Variants in GRM1 observed in about 807,000 individuals in gnomAD.
The protein encoded by GRM1 is glutamate metabotropic receptor 1.
Under a neutral mutation model 90.9 loss-of-function variants are expected in GRM1, and 33 were observed. That is an observed-to-expected ratio of 0.36 (90% CI 0.28 to 0.49). The LOEUF is 0.49. Ranked by LOEUF, GRM1 falls within the 20% of genes least tolerant of loss-of-function variation. The pLI is 0.99. For synonymous variants in GRM1, 700 were observed against 613.2 expected (o/e 1.14, Z -2.09); for missense variants, 1,190 against 1,534.3 (o/e 0.78, Z 3.75).
intron 1 of GRM1, among the ~76,000 whole-genome samples, chr6:146,100,909 G>A (rs139708300): frequency 1.3e-5 from 2 of 152,240 alleles, no homozygotes; most frequent in African/African-American, 4.8e-5. Context: ...ACTAGCCTAG[G>A]CAACATAGTG....
intron 1 of GRM1, among the ~76,000 whole-genome samples, chr6:146,088,631 A>G (rs1441235945): frequency 1.3e-5 from 2 of 152,140 alleles, no homozygotes; most frequent in African/African-American, 4.8e-5. Context: ...GGATGCCAGT[A>G]GATGTCATTG....
chr6:146,429,171 A>G (rs538241702), intron 7 of GRM1, among the ~76,000 whole-genome samples: 1 of 152,314 alleles, frequency 6.6e-6, no homozygotes, highest in South Asian at 2.1e-4. Flanking sequence ...GCTTATGATG[A>G]AGGTAGAATT....
At chr6:146,427,992 A>G (rs977046804) in intron 7 of GRM1, among the ~76,000 whole-genome samples, 1 of 152,230 alleles carries the variant, frequency 6.6e-6, no homozygotes, top group African/African-American at 2.4e-5. Flanking sequence ...CTAAAAGGTG[A>G]GTGCCTAAAA....
At chr6:146,159,916 T>TAAAAAA (rs566531460) in intron 2 of GRM1, 8 of 66,304 alleles carry the variant, frequency 1.2e-4, no homozygotes, top group African/African-American at 1.7e-4. Context: ...ACCTTAACTA[T>TAAAAAA]AAAAAAAAAA....
chr6:146,420,104 G>A (rs183309219), intron 7 of GRM1, among the ~76,000 whole-genome samples: 1 of 152,330 alleles, frequency 6.6e-6, no homozygotes, highest in African/African-American at 2.4e-5. Context: ...AAGATTAAAA[G>A]ATAAGCTGAA....
intron 2 of GRM1, among the ~76,000 whole-genome samples, chr6:146,289,099 C>T (rs1782881486): frequency 6.6e-6 from 1 of 151,980 alleles, no homozygotes; most frequent in African/African-American, 2.4e-5. Flanking sequence ...TTGGAGTATC[C>T]TCCTTCTACA....
At chr6:146,325,020 T>A (rs1286018632) in intron 3 of GRM1, among the ~76,000 whole-genome samples, 1 of 152,222 alleles carries the variant, frequency 6.6e-6, no homozygotes, top group Non-Finnish European at 1.5e-5. Flanking sequence ...TTATAGGTAC[T>A]TTATATTAAG....
intron 1 of GRM1, among the ~76,000 whole-genome samples, chr6:146,100,447 G>A (rs1311515462): frequency 6.6e-6 from 1 of 152,034 alleles, no homozygotes; most frequent in East Asian, 1.9e-4. Context: ...TTCCACTCTG[G>A]TTTTTAATTG....
chr6:146,348,204 C>T (rs1002035082), intron 3 of GRM1, among the ~76,000 whole-genome samples: 22 of 152,196 alleles, frequency 1.4e-4, no homozygotes, highest in Non-Finnish European at 1.0e-4. Flanking sequence ...AGTGTTTTCA[C>T]CTTCCCACCA....
rs1179310285 is a variant in GRM1 at position 146,434,965 on chromosome 6, A to C, written c.*169A>C. The C allele has an allele frequency of 1.5e-6, 1 of 678,766 alleles. No individual in the cohort carries two copies. Among genetic ancestry groups the C allele is most frequent in the African/African-American group, 1.9e-5 (1 of 53,486 alleles). The allele number at this position is 678,766 out of a possible 1,614,324, so 42.0% of individuals were successfully genotyped here. On this transcript the variant is annotated 3_prime_UTR_variant, in exon 8 of 8. Coordinates refer to ENST00000282753, the MANE Select transcript of GRM1 (RefSeq NM_001278064.2). ...CTGCTGCTGCCTTAAGTAGGAAGAG[A>C]GGGAAGGACACCAAGCAAAAAATGT...
In GRM1 at chr6:146,409,553, TTTTTG is replaced by T. The variant is rs139595396; in HGVS notation, c.2660+9875_2660+9879del. 7.9e-5 allele frequency among the ~76,000 whole-genome samples: 12 copies of T among 152,126 alleles called. No homozygotes were observed. The South Asian group carries it at 1.2e-3, about 16-fold the overall frequency. The stretch of plus-strand genomic sequence containing the variant: ...AAGAAAAGACGAACATTAAGTTTTG[TTTTTG>T]TTTTGTTTTGTTTTGTTTTGCTTTG... On this transcript the variant is annotated intron_variant, in intron 7 of 7. Transcript: ENST00000282753.
chr6:146,374,134 C>T (rs919650636), intron 5 of GRM1, among the ~76,000 whole-genome samples: 2 of 136,458 alleles, frequency 1.5e-5, no homozygotes, highest in Non-Finnish European at 3.1e-5. Context: ...GGTTTTTATC[C>T]TTTATTCTGT....
At chr6:146,172,870 A>C (rs1411726798) in intron 2 of GRM1, among the ~76,000 whole-genome samples, 1 of 152,186 alleles carries the variant, frequency 6.6e-6, no homozygotes, top group Non-Finnish European at 1.5e-5. Flanking sequence ...TTTCACAGAA[A>C]GAGATAGGTT....
At chr6:146,229,276 G>T (rs556830585) in intron 2 of GRM1, among the ~76,000 whole-genome samples, 3 of 151,396 alleles carry the variant, frequency 2.0e-5, no homozygotes, top group Non-Finnish European at 4.4e-5. Context: ...GACCCAACAT[G>T]CCCGGCCAAA....
At chr6:146,113,748 A>G (rs1775645992) in intron 1 of GRM1, among the ~76,000 whole-genome samples, 1 of 152,218 alleles carries the variant, frequency 6.6e-6, no homozygotes, top group Non-Finnish European at 1.5e-5. Flanking sequence ...TTCAGAGAAA[A>G]GGTTTCATGA....
rs559871269 is a variant in GRM1, at chr6:146,270,818, T to TCTGC, written c.951-33774_951-33771dup. 6.9e-5 allele frequency among the ~76,000 whole-genome samples: 10 copies of TCTGC among 145,750 alleles called. No individual in the cohort carries two copies. The East Asian group carries it at 7.9e-4, about 11-fold the overall frequency. Reference sequence around the variant, plus strand: ...TACCCACTAAAGATTTTCTTTTCTGTCTGCCTGCCTGCCTGCCTGCCTTTC... The same window carrying TCTGC: ...TACCCACTAAAGATTTTCTTTTCTGTCTGCCTGCCTGCCTGCCTGCCTGCCTTTC... On this transcript the variant is annotated intron_variant, in intron 2 of 7. Coordinates refer to ENST00000282753, the MANE Select transcript of GRM1 (RefSeq NM_001278064.2).
At chr6:146,203,593 C>A (rs1779395856) in intron 2 of GRM1, among the ~76,000 whole-genome samples, 2 of 152,146 alleles carry the variant, frequency 1.3e-5, no homozygotes, top group Non-Finnish European at 2.9e-5. Context: ...GAGGAGAACT[C>A]ATTTCTTTTG....
intron 3 of GRM1, among the ~76,000 whole-genome samples, chr6:146,313,321 A>G (rs1435403144): frequency 6.6e-6 from 1 of 152,182 alleles, no homozygotes; most frequent in Non-Finnish European, 1.5e-5. Context: ...TTCTTATTGA[A>G]TAAAATATGT....
At chr6:146,235,774 G>T (rs1780626843) in intron 2 of GRM1, among the ~76,000 whole-genome samples, 1 of 142,586 alleles carries the variant, frequency 7.0e-6, no homozygotes, top group African/African-American at 2.7e-5. Context: ...ATTTTCACTT[G>T]ATTTCTTCCT....
Sources: gnomAD v4.1 joint callset for allele counts (sites outside exome capture counted in the v4.1 genomes callset) on GRCh38, gnomAD v4.1.1 for gene constraint, MANE v1.5 for transcripts, NCBI Gene and HGNC (gene_info 2026-07-23, HGNC 2026-07-21) for gene names.